Variants in LHX2 observed in about 807,000 individuals in gnomAD.
LHX2 encodes LIM homeobox 2, also known as LIM/homeobox protein Lhx2.
LHX2 carries 6 observed loss-of-function variants against 33.0 expected under a neutral mutation model. The observed-to-expected ratio is 0.18, with a 90% CI of 0.10 to 0.36. The LOEUF (loss-of-function observed/expected upper bound fraction) is 0.36. LHX2 is among the 10% of genes least tolerant of loss of function. The pLI is 1.00. For missense variants in LHX2, 442 were observed against 586.2 expected (o/e 0.75, Z 2.54); for synonymous variants, 292 against 253.1 (o/e 1.15, Z -1.46).
At position 124,032,825 on chromosome 9, in the gene LHX2, G is replaced by A. The variant is rs1320682347; in HGVS notation, c.*118G>A. Reference sequence around the variant, plus strand: ...CTAACTAACCACATTTTAGGATCTCGCCTGGAAACAGAGGTAAAAAAAAGA... The same window carrying A: ...CTAACTAACCACATTTTAGGATCTCACCTGGAAACAGAGGTAAAAAAAAGA... On this transcript the variant is annotated 3_prime_UTR_variant, in exon 5 of 5. Coordinates refer to ENST00000373615, the MANE Select transcript of LHX2 (RefSeq NM_004789.4). The surrounding 1 kb of genome is among the most constrained non-coding windows in gnomAD (Gnocchi z 4.1). 12 of 1,190,236 alleles carry A rather than the reference G, an allele frequency of 1.0e-5. No homozygotes were observed. The highest frequency in any genetic ancestry group is 2.7e-5 in the Admixed American group (1 of 37,432). 73.7% of individuals were successfully genotyped at this position (1,190,236 alleles called of 1,614,324 possible). A position where few individuals can be genotyped will look rare whatever the true frequency, so the allele number is the denominator to read the frequency against.
chr9:124,014,248 T>A lies in LHX2; in HGVS notation c.323+85T>A. 1 of 845,784 alleles carries A rather than the reference T, an allele frequency of 1.2e-6. No individual in the cohort carries two copies. The highest frequency in any genetic ancestry group is 1.9e-6 in the Non-Finnish European group (1 of 517,366). The allele number at this position is 845,784 out of a possible 1,614,324, so 52.4% of individuals were successfully genotyped here. A position where few individuals can be genotyped will look rare whatever the true frequency, so the allele number is the denominator to read the frequency against. ...ACAGTTTGGCCCTCTCCTTTCCGTT[T>A]AGTCCCAGGAGAGGGTTCACTACTC... On this transcript the variant is annotated intron_variant, in intron 2 of 4. Coordinates refer to ENST00000373615, the MANE Select transcript of LHX2 (RefSeq NM_004789.4). This position sits in a 1 kb window ranked among gnomAD's most constrained non-coding sequence, Gnocchi z 4.8.
Position 124,012,478 on chromosome 9 carries a change from C to A in LHX2, c.120+10C>A. On this transcript the variant is annotated intron_variant, in intron 1 of 4. Transcript: ENST00000373615. This position sits in a 1 kb window ranked among gnomAD's most constrained non-coding sequence, Gnocchi z 4.3. ...CGGCGACACCGAGACGGTAGGCGCGCGGCTGTGGGGTCGGGGCTGAGAGCT... is the reference window on the plus strand; with the variant it reads ...CGGCGACACCGAGACGGTAGGCGCGAGGCTGTGGGGTCGGGGCTGAGAGCT... 6.5e-7 allele frequency: 1 copy of A among 1,537,032 alleles called. No individual in the cohort carries two copies. The highest frequency in any genetic ancestry group is 2.5e-5 in the East Asian group (1 of 39,822).
chr9:124,028,283 C>T (rs1828657341), intron 4 of LHX2, among the ~76,000 whole-genome samples: 1 of 152,208 alleles, frequency 6.6e-6, no homozygotes, highest in Non-Finnish European at 1.5e-5. Flanking sequence ...ATCTACCGCG[C>T]ACCAGGCTGG....
intron 4 of LHX2, among the ~76,000 whole-genome samples, chr9:124,026,287 G>A (rs543728224): frequency 1.1e-4 from 16 of 151,820 alleles, no homozygotes; most frequent in Non-Finnish European, 1.8e-4. Context: ...GGTGAAACCC[G>A]TCTCTACTAA....
At chr9:124,020,499 G>T (rs1048560355) in intron 3 of LHX2, among the ~76,000 whole-genome samples, 1 of 152,122 alleles carries the variant, frequency 6.6e-6, no homozygotes, top group Non-Finnish European at 1.5e-5. Flanking sequence ...ATGAATCTCT[G>T]TTTCAGCAGT....
At chr9:124,018,514 C>T (rs1043341457) in intron 3 of LHX2, among the ~76,000 whole-genome samples, 1 of 152,078 alleles carries the variant, frequency 6.6e-6, no homozygotes, top group African/African-American at 2.4e-5. Context: ...CCCTTTTTCT[C>T]CACTCCCCTT....
At position 124,012,161 on chromosome 9, in the gene LHX2, G is replaced by C. The variant is rs1261350815; in HGVS notation, c.-188G>C. On this transcript the variant is annotated 5_prime_UTR_variant, in exon 1 of 5. Transcript: ENST00000373615. This position sits in a 1 kb window ranked among gnomAD's most constrained non-coding sequence, Gnocchi z 4.3. The stretch of plus-strand genomic sequence containing the variant: ...TGTAGCTGCCCCTGCGCCTCGGCGG[G>C]AGGCGTCCTGCCCCGCGAGCGCCCG... 1 of 334,082 alleles carries C rather than the reference G, an allele frequency of 3.0e-6. No individual in the cohort carries two copies. The highest frequency in any genetic ancestry group is 4.8e-6 in the Non-Finnish European group (1 of 209,718). The allele number at this position is 334,082 out of a possible 1,614,324, so 20.7% of individuals were successfully genotyped here. A position where few individuals can be genotyped will look rare whatever the true frequency, so the allele number is the denominator to read the frequency against.
chr9:124,016,890 C>A lies in LHX2; in HGVS notation c.727+1365C>A, dbSNP rs780147825. ...GACAAAACCGAGTTCAGACCGGCTC[C>A]CCCAACACCAAGCCGCTTCTATTTA... is the stretch of plus-strand genomic sequence containing the variant. On this transcript the variant is annotated intron_variant, in intron 3 of 4. Coordinates refer to ENST00000373615, the MANE Select transcript of LHX2 (RefSeq NM_004789.4). This position sits in a 1 kb window ranked among gnomAD's most constrained non-coding sequence, Gnocchi z 4.4. Among the ~76,000 whole-genome samples the A allele has an allele frequency of 4.4e-4, 67 of 152,166 alleles. No individual in the cohort carries two copies. Among genetic ancestry groups the A allele is most frequent in the Non-Finnish European group, 7.6e-4 (52 of 68,044 alleles).
In LHX2 at chr9:124,015,638, A is replaced by G. The variant is rs954092279; in HGVS notation, c.727+113A>G. Reference sequence around the variant, plus strand: ...GCTGGGCAAATAGCGAGCCTTAAGCACCGGACGGCCTCGCAGAAGGGACAT... The same window carrying G: ...GCTGGGCAAATAGCGAGCCTTAAGCGCCGGACGGCCTCGCAGAAGGGACAT... On this transcript the variant is annotated intron_variant, in intron 3 of 4. Transcript: ENST00000373615. This position sits in a 1 kb window ranked among gnomAD's most constrained non-coding sequence, Gnocchi z 7.9. The G allele has an allele frequency of 4.9e-6, 6 of 1,217,978 alleles. No individual in the cohort carries two copies. Among genetic ancestry groups the G allele is most frequent in the Non-Finnish European group, 5.5e-6 (5 of 906,436 alleles). The allele number at this position is 1,217,978 out of a possible 1,614,324, so 75.4% of individuals were successfully genotyped here.
chr9:124,022,872 A>C (rs928947563), intron 4 of LHX2, among the ~76,000 whole-genome samples: 12 of 152,086 alleles, frequency 7.9e-5, no homozygotes, highest in Admixed American at 2.6e-4. Flanking sequence ...GGGCTGCGGG[A>C]GAGGGAGGAC....
intron 4 of LHX2, among the ~76,000 whole-genome samples, chr9:124,028,977 G>A (rs910208947): frequency 6.6e-6 from 1 of 152,136 alleles, no homozygotes; most frequent in East Asian, 1.9e-4. Flanking sequence ...AGGCATGGTG[G>A]CGGGTGCCTG....
Position 124,014,023 on chromosome 9 carries a change from G to T in LHX2, c.183G>T (p.Ser61=), listed in dbSNP as rs560242544. The change falls in exon 2 of 5, where the codon TCG becomes TCT. Residue 61 remains serine, a synonymous_variant. Coordinates refer to ENST00000373615, the MANE Select transcript of LHX2 (RefSeq NM_004789.4). The surrounding 1 kb of genome is among the most constrained non-coding windows in gnomAD (Gnocchi z 4.8). ...GCGCCGGCTGCGGGGGCAAGATCTC[G>T]GACCGCTACTACCTGCTGGCGGTGG... ...ALCAGCGGKI[S]DRYYLLAVDK... 1.9e-6 allele frequency: 3 copies of T among 1,613,610 alleles called. No homozygotes were observed. Among genetic ancestry groups the T allele is most frequent in the Admixed American group, 1.7e-5 (1 of 60,032 alleles).
chr9:124,020,507 A>G (rs534135382), intron 3 of LHX2, among the ~76,000 whole-genome samples: 2 of 152,266 alleles, frequency 1.3e-5, no homozygotes, highest in South Asian at 4.1e-4. Flanking sequence ...CTGTTTCAGC[A>G]GTTTCTAGGT....
chr9:124,016,885 G>T lies in LHX2; in HGVS notation c.727+1360G>T, dbSNP rs1859199668. Reference sequence around the variant, plus strand: ...AAAAAGACAAAACCGAGTTCAGACCGGCTCCCCCAACACCAAGCCGCTTCT... The same window carrying T: ...AAAAAGACAAAACCGAGTTCAGACCTGCTCCCCCAACACCAAGCCGCTTCT... On this transcript the variant is annotated intron_variant, in intron 3 of 4. Coordinates refer to ENST00000373615, the MANE Select transcript of LHX2 (RefSeq NM_004789.4). This position sits in a 1 kb window ranked among gnomAD's most constrained non-coding sequence, Gnocchi z 4.4. Among the ~76,000 whole-genome samples, 4 of 152,232 alleles carry T rather than the reference G, an allele frequency of 2.6e-5. No homozygotes were observed. In the South Asian group the frequency reaches 8.3e-4, roughly 32 times the overall value.
At position 124,015,510 on chromosome 9, in the gene LHX2, G is replaced by A. The variant is rs901604624; in HGVS notation, c.712G>A (p.Ala238Thr). Residue 238 changes from alanine to threonine, a missense_variant, in exon 3 of 5, where the codon GCG becomes ACG. Around this residue, in one of 5 missense-constraint regions of LHX2, gnomAD observed 132 missense variants for 139.1 expected, o/e 0.95. Coordinates refer to ENST00000373615, the MANE Select transcript of LHX2 (RefSeq NM_004789.4). This position sits in a 1 kb window ranked among gnomAD's most constrained non-coding sequence, Gnocchi z 7.9. The part of the protein sequence containing the change: ...RKSPGPGADL[A>T]AYNAALSCNE... ...GAGCCCGGGCCCCGGTGCGGATCTG[G>A]CGGCCTACAACGCTGGTGAGTGCGC... 5.5e-6 allele frequency: 8 copies of A among 1,466,336 alleles called. No individual in the cohort carries two copies. Among genetic ancestry groups the A allele is most frequent in the Non-Finnish European group, 6.3e-6 (7 of 1,108,760 alleles). 90.8% of individuals were successfully genotyped at this position (1,466,336 alleles called of 1,614,324 possible).
Position 124,021,283 on chromosome 9 carries a change from C to T in LHX2, c.912C>T (p.Gly304=), listed in dbSNP as rs945910035. 6.2e-7 allele frequency: 1 copy of T among 1,613,838 alleles called. No individual in the cohort carries two copies. Among genetic ancestry groups the T allele is most frequent in the Admixed American group, 1.7e-5 (1 of 60,036 alleles). ...TGAAGCAGCTCGCGCAAAAGACGGG[C>T]CTCACCAAGCGGGTCCTCCAGGTCA... ...KDLKQLAQKT[G]LTKRVLQVWF... is the part of the protein sequence containing the mutation. Residue 304 remains glycine (G), a synonymous_variant, in exon 4 of 5, where the codon GGC becomes GGT. Coordinates refer to ENST00000373615, the MANE Select transcript of LHX2 (RefSeq NM_004789.4).
chr9:124,027,994 G>A (rs1366506666), intron 4 of LHX2, among the ~76,000 whole-genome samples: 1 of 151,966 alleles, frequency 6.6e-6, no homozygotes, highest in Non-Finnish European at 1.5e-5. Context: ...CCCACTTGCC[G>A]CATCTGAGTG....
intron 3 of LHX2, among the ~76,000 whole-genome samples, chr9:124,017,417 C>A (rs924653205): frequency 5.9e-5 from 9 of 152,196 alleles, no homozygotes; most frequent in Non-Finnish European, 1.0e-4. Context: ...CGGGGCCCAG[C>A]CCAGTCTTCC....
In LHX2 at chr9:124,014,973, TTC is replaced by T; in HGVS notation, c.324-142_324-141del. On this transcript the variant is annotated intron_variant, in intron 2 of 4. Coordinates refer to ENST00000373615, the MANE Select transcript of LHX2 (RefSeq NM_004789.4). This position sits in a 1 kb window ranked among gnomAD's most constrained non-coding sequence, Gnocchi z 4.8. ...GGACCAGGCCTGGGTCAAAATCTAGTTCTCTCTCCCCCCCATCCTCCAAATAA... is the reference window on the plus strand; with the variant it reads ...GGACCAGGCCTGGGTCAAAATCTAGTTCTCTCCCCCCCATCCTCCAAATAA... 1 of 805,192 alleles carries T rather than the reference TTC, an allele frequency of 1.2e-6. No individual in the cohort carries two copies. Among genetic ancestry groups the T allele is most frequent in the Non-Finnish European group, 1.9e-6 (1 of 515,510 alleles). 49.9% of individuals were successfully genotyped at this position (805,192 alleles called of 1,614,324 possible).
Sources: gnomAD v4.1 joint callset for allele counts (sites outside exome capture counted in the v4.1 genomes callset) on GRCh38, gnomAD v4.1.1 for gene constraint, gnomAD v4.1.1 regional missense constraint, Gnocchi (gnomAD v3.1) non-coding constraint, MANE v1.5 for transcripts, NCBI Gene and HGNC (gene_info 2026-07-23, HGNC 2026-07-21) for gene names.